Variants in ADAMTSL1 observed in about 807,000 individuals in gnomAD.
ADAMTSL1 encodes the protein ADAMTS like 1, also known as ADAMTS-like protein 1.
A neutral mutation model predicts 201.8 loss-of-function variants in ADAMTSL1; 126 were observed. That is an observed-to-expected ratio of 0.62 (90% CI 0.54 to 0.72). The LOEUF (loss-of-function observed/expected upper bound fraction) is 0.72. Among genes scored for constraint, ADAMTSL1 ranks in the 30% least tolerant of loss-of-function variants. ADAMTSL1 has a pLI of 0.00. For missense variants in ADAMTSL1, 2,679 were observed against 2,277.8 expected, an observed-to-expected ratio of 1.18 and a Z score of -3.59; for synonymous variants, 1,121 against 903.4, an observed-to-expected ratio of 1.24 and a Z score of -4.32.
Position 18,712,975 on chromosome 9 carries a change from C to G in ADAMTSL1, c.1876+5927C>G, listed in dbSNP as rs536462693. 7.9e-5 allele frequency among the ~76,000 whole-genome samples: 12 copies of G among 151,406 alleles called. No individual in the cohort carries two copies. In the East Asian group the frequency reaches 2.1e-3, roughly 27 times the overall value. On this transcript the variant is annotated intron_variant, in intron 14 of 28. Coordinates refer to ENST00000380548, the MANE Select transcript of ADAMTSL1 (RefSeq NM_001040272.6). Reference sequence around the variant, plus strand: ...TTCTTAAAGAAAAGAATTTTCAACCCAGAATTTCATATCCAGCCAAACTAA... The same window carrying G: ...TTCTTAAAGAAAAGAATTTTCAACCGAGAATTTCATATCCAGCCAAACTAA...
chr9:18,128,734 C>T (rs959097604), intron 1 of ADAMTSL1, among the ~76,000 whole-genome samples: 1 of 152,074 alleles, frequency 6.6e-6, no homozygotes, highest in Non-Finnish European at 1.5e-5. Flanking sequence ...CTCTCTCCCC[C>T]CTTTTTTTCA....
At chr9:18,263,594 A>G (rs1032770685) in intron 2 of ADAMTSL1, among the ~76,000 whole-genome samples, 4 of 152,182 alleles carry the variant, frequency 2.6e-5, no homozygotes, top group Non-Finnish European at 5.9e-5. Context: ...TTTAGCTACT[A>G]TTGTGGACTG....
chr9:18,291,839 C>G (rs1192406268), intron 2 of ADAMTSL1, among the ~76,000 whole-genome samples: 2 of 151,736 alleles, frequency 1.3e-5, no homozygotes, highest in Non-Finnish European at 2.9e-5. Flanking sequence ...AAGCATACCT[C>G]TAGACACTAA....
intron 1 of ADAMTSL1, among the ~76,000 whole-genome samples, chr9:18,052,672 T>C (rs1398064147): frequency 1.3e-5 from 2 of 152,164 alleles, no homozygotes; most frequent in Admixed American, 6.5e-5. Flanking sequence ...CATAAAGCAA[T>C]GGTGCAAAGT....
At chr9:18,535,150 C>A (rs2132117764) in intron 3 of ADAMTSL1, among the ~76,000 whole-genome samples, 1 of 152,278 alleles carries the variant, frequency 6.6e-6, no homozygotes, top group East Asian at 1.9e-4. Context: ...CTCTTGAATG[C>A]TTTGTCACTT....
At chr9:18,204,882 C>G (rs1422863743) in intron 2 of ADAMTSL1, among the ~76,000 whole-genome samples, 1 of 152,142 alleles carries the variant, frequency 6.6e-6, no homozygotes, top group East Asian at 1.9e-4. Flanking sequence ...TTGAAAACAT[C>G]TTTGTTCATT....
At chr9:18,061,574 C>G (rs558592861) in intron 1 of ADAMTSL1, among the ~76,000 whole-genome samples, 1 of 152,122 alleles carries the variant, frequency 6.6e-6, no homozygotes, top group Admixed American at 6.5e-5. Context: ...GACCTAGGCT[C>G]TAACAGCTGT....
At chr9:18,680,980 CA>C (rs1161671501) in intron 11 of ADAMTSL1, 3 of 152,950 alleles carry the variant, frequency 2.0e-5, no homozygotes, top group African/African-American at 7.2e-5. Flanking sequence ...ATGAAAATAG[CA>C]CAAAAATTAA....
At chr9:18,855,248 A>G (rs1405073650) in intron 23 of ADAMTSL1, among the ~76,000 whole-genome samples, 1 of 152,238 alleles carries the variant, frequency 6.6e-6, no homozygotes, top group Non-Finnish European at 1.5e-5. Context: ...CCCAGTAAGG[A>G]ACACACTGGT....
At chr9:18,731,337 A>G (rs931763355) in intron 15 of ADAMTSL1, among the ~76,000 whole-genome samples, 3 of 152,222 alleles carry the variant, frequency 2.0e-5, no homozygotes, top group Admixed American at 6.5e-5. Flanking sequence ...GGTAATTTAT[A>G]AAGAGAAGAG....
chr9:18,850,387 C>T (rs1359980388), intron 23 of ADAMTSL1, among the ~76,000 whole-genome samples: 2 of 152,232 alleles, frequency 1.3e-5, no homozygotes, highest in African/African-American at 4.8e-5. Flanking sequence ...AATATCTACT[C>T]TTGCTCTGTG....
chr9:18,740,954 G>T (rs565229323), intron 15 of ADAMTSL1, among the ~76,000 whole-genome samples: 1 of 152,032 alleles, frequency 6.6e-6, no homozygotes, highest in Admixed American at 6.6e-5. Context: ...ATTTTAGGAA[G>T]CCATTGATGA....
intron 3 of ADAMTSL1, among the ~76,000 whole-genome samples, chr9:18,551,854 G>C (rs1820817726): frequency 6.6e-6 from 1 of 151,560 alleles, no homozygotes; most frequent in Non-Finnish European, 1.5e-5. Flanking sequence ...TCTCTCACTT[G>C]TCTAAGACTG....
chr9:18,063,116 G>A (rs1056128242), intron 1 of ADAMTSL1, among the ~76,000 whole-genome samples: 4 of 152,098 alleles, frequency 2.6e-5, no homozygotes, highest in Non-Finnish European at 4.4e-5. Flanking sequence ...ATTGCTTGAG[G>A]CCAGGAGTTC....
At chr9:18,118,123 T>C (rs1288641852) in intron 1 of ADAMTSL1, among the ~76,000 whole-genome samples, 1 of 152,116 alleles carries the variant, frequency 6.6e-6, no homozygotes, top group Non-Finnish European at 1.5e-5. Flanking sequence ...ACTTGATGAG[T>C]TTCATAAGTT....
chr9:18,757,884 T>G (rs759984659), intron 16 of ADAMTSL1, among the ~76,000 whole-genome samples: 7 of 152,230 alleles, frequency 4.6e-5, no homozygotes, highest in Non-Finnish European at 1.0e-4. Context: ...GTGTCATTTA[T>G]TGAATACTTG....
intron 14 of ADAMTSL1, among the ~76,000 whole-genome samples, chr9:18,713,907 C>A (rs1368244398): frequency 1.3e-5 from 2 of 149,518 alleles, no homozygotes; most frequent in Admixed American, 1.3e-4. Context: ...ATCTCTCAGA[C>A]CACAGTGCAA....
At chr9:18,249,010 A>T (rs564017546) in intron 2 of ADAMTSL1, among the ~76,000 whole-genome samples, 86 of 152,308 alleles carry the variant, frequency 5.6e-4, no homozygotes, top group African/African-American at 1.9e-3. Context: ...ATAGATTTGC[A>T]TATGGATTGA....
intron 13 of ADAMTSL1, among the ~76,000 whole-genome samples, chr9:18,705,344 T>C (rs1220888517): frequency 6.6e-6 from 1 of 152,248 alleles, no homozygotes; most frequent in African/African-American, 2.4e-5. Context: ...AGTTTTTGTC[T>C]GAATTACACT....
Sources: allele counts gnomAD v4.1 joint callset (sites outside exome capture counted in the v4.1 genomes callset), GRCh38; gene constraint gnomAD v4.1.1; transcripts MANE v1.5; gene names NCBI Gene and HGNC (gene_info 2026-07-23, HGNC 2026-07-21).